PHACTR3: variants seen among roughly 807,000 people sequenced by gnomAD.
PHACTR3 encodes phosphatase and actin regulator 3.
In PHACTR3, 16 loss-of-function variants were observed where a neutral mutation model predicts 66.8. That is an observed-to-expected ratio of 0.24 (90% confidence interval 0.16 to 0.36). PHACTR3 has a LOEUF of 0.36. PHACTR3 is among the 10% of genes least tolerant of loss of function. PHACTR3 has a pLI of 1.00. For missense variants in PHACTR3, 647 were observed against 719.9 expected (o/e 0.90, Z 1.16); for synonymous variants, 323 against 292.1 (o/e 1.11, Z -1.08).
At chr20:59,602,454 A>AAAG (rs2033507219), upstream of PHACTR3, among the ~76,000 whole-genome samples, 1 of 151,536 alleles carries the variant, frequency 6.6e-6, no homozygotes, top group African/African-American at 2.4e-5. Flanking sequence ...AAAAAAAAAA[A>AAAG]AGAGAGAGAG....
chr20:59,757,747 T>C (rs2039853560), intron 4 of PHACTR3, among the ~76,000 whole-genome samples: 2 of 151,870 alleles, frequency 1.3e-5, no homozygotes, highest in Non-Finnish European at 2.9e-5. Context: ...AACCTAGGAG[T>C]TCAAAGTCAT....
chr20:59,735,096 G>T (rs1202627964), intron 1 of PHACTR3, among the ~76,000 whole-genome samples: 2 of 152,038 alleles, frequency 1.3e-5, no homozygotes, highest in African/African-American at 2.4e-5. Context: ...CCACGTATTG[G>T]TGTTACAGGT....
chr20:59,653,351 A>G (rs1601013935), intron 1 of PHACTR3, among the ~76,000 whole-genome samples: 1 of 152,018 alleles, frequency 6.6e-6, no homozygotes, highest in Admixed American at 6.6e-5. Flanking sequence ...TGCCTGGTTA[A>G]TTTTTGTAAT....
At chr20:59,720,419 A>T (rs944873100) in intron 1 of PHACTR3, among the ~76,000 whole-genome samples, 3 of 152,162 alleles carry the variant, frequency 2.0e-5, no homozygotes, top group African/African-American at 7.2e-5. Context: ...TCCCCTTTGC[A>T]TACTGGGGGG....
intron 1 of PHACTR3, among the ~76,000 whole-genome samples, chr20:59,579,686 C>T (rs149983565): frequency 2.6e-5 from 4 of 152,288 alleles, no homozygotes; most frequent in African/African-American, 9.6e-5. Flanking sequence ...GCTGTGTGGC[C>T]GCAGGTTTAT....
chr20:59,831,824 C>T (rs561882281), intron 8 of PHACTR3, among the ~76,000 whole-genome samples: 114 of 152,322 alleles, frequency 7.5e-4, no homozygotes, highest in Non-Finnish European at 1.3e-3. Context: ...CTTTGCTCCT[C>T]GACACAGGCT....
chr20:59,635,360 A>G (rs1369018361), intron 1 of PHACTR3, among the ~76,000 whole-genome samples: 2 of 147,660 alleles, frequency 1.4e-5, no homozygotes, highest in African/African-American at 2.5e-5. Context: ...TCAGCATCCC[A>G]ATAGTTGGGA....
chr20:59,639,384 C>T (rs1316880128), intron 1 of PHACTR3, among the ~76,000 whole-genome samples: 1 of 152,084 alleles, frequency 6.6e-6, no homozygotes, highest in African/African-American at 2.4e-5. Flanking sequence ...TTCTCTTGGC[C>T]AAGAGGACCT....
Position 59,841,387 on chromosome 20 carries a change from A to C in PHACTR3, c.1447-8A>C. On this transcript the variant is annotated splice_polypyrimidine_tract_variant and splice_region_variant and intron_variant, in intron 10 of 12. Transcript: ENST00000371015. ...GTGATACTTAACTATGATGATCTTT[A>C]ATTTTAGCTTAATCAGAGACCCACT... is the stretch of plus-strand genomic sequence containing the variant. 3 of 1,608,210 alleles carry C rather than the reference A, an allele frequency of 1.9e-6. No homozygotes were observed. The highest frequency in any genetic ancestry group is 2.5e-6 in the Non-Finnish European group (3 of 1,176,950).
At chr20:59,809,398 T>C (rs2041668748) in intron 8 of PHACTR3, among the ~76,000 whole-genome samples, 1 of 152,186 alleles carries the variant, frequency 6.6e-6, no homozygotes, top group Admixed American at 6.5e-5. Flanking sequence ...TGATGGGACG[T>C]GTGTTCCTAA....
chr20:59,624,146 A>G (rs1425859679), intron 1 of PHACTR3, among the ~76,000 whole-genome samples: 1 of 152,054 alleles, frequency 6.6e-6, no homozygotes, highest in African/African-American at 2.4e-5. Context: ...TGAGCCTGGA[A>G]GTTGGTGAAA....
intron 9 of PHACTR3, among the ~76,000 whole-genome samples, chr20:59,838,900 C>T (rs1326897104): frequency 6.6e-6 from 1 of 152,094 alleles, no homozygotes; most frequent in East Asian, 1.9e-4. Flanking sequence ...TGGGCTTAGG[C>T]TAACAGGGAG....
intron 10 of PHACTR3, among the ~76,000 whole-genome samples, 186 bp downstream of exon 10, chr20:59,840,616 C>T (rs757405909): frequency 8.5e-5 from 13 of 152,122 alleles, no homozygotes; most frequent in Non-Finnish European, 1.8e-4. Context: ...CTCTGACGTT[C>T]CCTATGGACG....
At chr20:59,675,453 C>G (rs1249450733) in intron 1 of PHACTR3, among the ~76,000 whole-genome samples, 1 of 152,110 alleles carries the variant, frequency 6.6e-6, no homozygotes, top group African/African-American at 2.4e-5. Flanking sequence ...GCAACTACCT[C>G]TTCATAGCAA....
At chr20:59,635,883 T>C (rs999822147) in intron 1 of PHACTR3, among the ~76,000 whole-genome samples, 4 of 152,302 alleles carry the variant, frequency 2.6e-5, no homozygotes, top group Middle Eastern at 3.4e-3. Flanking sequence ...CTGCACACAG[T>C]TGGGGACTGT....
intron 5 of PHACTR3, among the ~76,000 whole-genome samples, chr20:59,772,705 A>G (rs2040400015): frequency 1.3e-5 from 2 of 152,188 alleles, no homozygotes; most frequent in Admixed American, 6.5e-5. Flanking sequence ...AGACTGGGCC[A>G]TGAGTTCGAA....
intron 1 of PHACTR3, among the ~76,000 whole-genome samples, chr20:59,650,752 A>AAC (rs1555883116): frequency 4.6e-5 from 7 of 150,722 alleles, no homozygotes; most frequent in East Asian, 2.0e-4. Context: ...AAAAAAAAAA[A>AAC]AAAAAAAAAG....
At chr20:59,595,784 G>T (rs191464947) in intron 1 of PHACTR3, among the ~76,000 whole-genome samples, 1 of 152,130 alleles carries the variant, frequency 6.6e-6, no homozygotes, top group Non-Finnish European at 1.5e-5. Context: ...GTGTGTACGC[G>T]TTAAGGATTA....
chr20:59,586,096 C>T (rs899658194), intron 1 of PHACTR3, among the ~76,000 whole-genome samples: 1 of 152,184 alleles, frequency 6.6e-6, no homozygotes, highest in African/African-American at 2.4e-5. Context: ...TGACAGGTGC[C>T]CTTGGTAGCC....
Sources: allele counts gnomAD v4.1 joint callset (sites outside exome capture counted in the v4.1 genomes callset), GRCh38; gene constraint gnomAD v4.1.1; transcripts MANE v1.5; gene names NCBI Gene and HGNC (gene_info 2026-07-23, HGNC 2026-07-21).